Variants in HS3ST4 observed in about 807,000 individuals in gnomAD.
HS3ST4 encodes the protein heparan sulfate glucosamine 3-O-sulfotransferase 4.
In HS3ST4, 17 loss-of-function variants were observed where a neutral mutation model predicts 29.2. The observed-to-expected ratio is 0.58, with a 90% CI of 0.40 to 0.87. The LOEUF is 0.87. Among genes scored for constraint, HS3ST4 ranks in the 40% least tolerant of loss-of-function variants. The pLI is 0.00. For missense variants in HS3ST4, 627 were observed against 634.5 expected (o/e 0.99, Z 0.13); for synonymous variants, 314 against 285.7 (o/e 1.10, Z -1.00).
chr16:25,778,257 C>T (rs1324839305), intron 1 of HS3ST4, among the ~76,000 whole-genome samples: 1 of 152,168 alleles, frequency 6.6e-6, no homozygotes, highest in Non-Finnish European at 1.5e-5. Context: ...GGGATGTTGG[C>T]CATTTGGCCT....
intron 1 of HS3ST4, among the ~76,000 whole-genome samples, chr16:25,741,797 G>C (rs567853759): frequency 5.3e-5 from 8 of 152,078 alleles, no homozygotes; most frequent in African/African-American, 1.9e-4. Flanking sequence ...CCTTATACCA[G>C]TAAGGACACC....
chr16:25,815,130 A>G (rs150576462), intron 1 of HS3ST4, among the ~76,000 whole-genome samples: 7 of 152,206 alleles, frequency 4.6e-5, no homozygotes, highest in African/African-American at 1.7e-4. Context: ...CTGCTTTGGA[A>G]TAGGAAATGG....
At chr16:25,791,815 C>T (rs569328928) in intron 1 of HS3ST4, among the ~76,000 whole-genome samples, 3 of 152,012 alleles carry the variant, frequency 2.0e-5, no homozygotes, top group South Asian at 2.1e-4. Flanking sequence ...CAGTAAGTGG[C>T]GAATAATGAC....
intron 1 of HS3ST4, among the ~76,000 whole-genome samples, chr16:26,038,939 T>A (rs1354160957): frequency 6.6e-6 from 1 of 152,076 alleles, no homozygotes; most frequent in East Asian, 1.9e-4. Context: ...CACCTCAGCC[T>A]CCCAAAGTGC....
intron 1 of HS3ST4, among the ~76,000 whole-genome samples, chr16:25,910,836 G>A (rs1447487588): frequency 3.3e-5 from 5 of 152,022 alleles, no homozygotes; most frequent in Non-Finnish European, 7.4e-5. Flanking sequence ...TTATTGCTAA[G>A]AAGGCACAGC....
chr16:25,790,644 T>A (rs1966867200), intron 1 of HS3ST4, among the ~76,000 whole-genome samples: 1 of 152,168 alleles, frequency 6.6e-6, no homozygotes, highest in Non-Finnish European at 1.5e-5. Flanking sequence ...ACTGATAAGA[T>A]TGACCACTCT....
intron 1 of HS3ST4, among the ~76,000 whole-genome samples, chr16:25,873,260 A>G (rs73515311): frequency 0.066 from 10,066 of 151,460 alleles, 1,102 homozygotes; most frequent in African/African-American, 0.23. Context: ...CAAGCCATCC[A>G]TCCATCCATT....
rs553025191 is a variant in HS3ST4 at position 25,745,768 on chromosome 16, G to A, written c.734+52617G>A. 1.4e-4 allele frequency among the ~76,000 whole-genome samples: 21 copies of A among 152,248 alleles called. No individual in the cohort carries two copies. The East Asian group carries it at 2.5e-3, about 18-fold the overall frequency. On this transcript the variant is annotated intron_variant, in intron 1 of 1. Transcript: ENST00000331351. The stretch of plus-strand genomic sequence containing the variant: ...TTATATAAAAAGAATCATATAATGT[G>A]TAGTCTTTTGCATATCATTAAAATT...
chr16:25,849,482 C>T (rs1384075319), intron 1 of HS3ST4, among the ~76,000 whole-genome samples: 2 of 151,866 alleles, frequency 1.3e-5, no homozygotes, highest in Non-Finnish European at 2.9e-5. Context: ...TCATAACTTT[C>T]TTTAGCGCTT....
intron 1 of HS3ST4, among the ~76,000 whole-genome samples, chr16:25,777,467 A>G (rs1025288691): frequency 6.6e-6 from 1 of 151,658 alleles, no homozygotes; most frequent in Non-Finnish European, 1.5e-5. Context: ...GTGTGTGTGC[A>G]TAAGATACAG....
intron 1 of HS3ST4, among the ~76,000 whole-genome samples, chr16:25,698,153 A>C (rs1966311603): frequency 6.7e-6 from 1 of 149,572 alleles, no homozygotes; most frequent in Non-Finnish European, 1.5e-5. Flanking sequence ...CTGGTCTCAA[A>C]CTCCTGGCCT....
chr16:25,739,824 A>G (rs1278597275), intron 1 of HS3ST4, among the ~76,000 whole-genome samples: 2 of 152,122 alleles, frequency 1.3e-5, no homozygotes, highest in African/African-American at 4.8e-5. Context: ...TCTTTTTCTT[A>G]TAAGTGAAAA....
At chr16:25,706,950 A>G (rs1368571517) in intron 1 of HS3ST4, among the ~76,000 whole-genome samples, 2 of 152,222 alleles carry the variant, frequency 1.3e-5, no homozygotes, top group Non-Finnish European at 2.9e-5. Context: ...ATAAATGTTC[A>G]TAGGTTTTAA....
At chr16:25,977,214 A>G (rs541964792) in intron 1 of HS3ST4, among the ~76,000 whole-genome samples, 29 of 152,324 alleles carry the variant, frequency 1.9e-4, no homozygotes, top group South Asian at 1.9e-3. Flanking sequence ...CTCGCTTTGC[A>G]TGCTCGCTGG....
chr16:25,902,841 C>T (rs11860066), intron 1 of HS3ST4, among the ~76,000 whole-genome samples: 61,045 of 151,724 alleles, frequency 0.4, 12,682 homozygotes, highest in Middle Eastern at 0.49. Flanking sequence ...CTCATGCCTG[C>T]AATTCCAGCA....
chr16:26,048,760 G>A (rs1898299861), intron 1 of HS3ST4, among the ~76,000 whole-genome samples: 1 of 152,228 alleles, frequency 6.6e-6, no homozygotes. Flanking sequence ...TTGAGCCCAA[G>A]AGTTCAAGGC....
chr16:25,892,002 C>T (rs1234685990), intron 1 of HS3ST4, among the ~76,000 whole-genome samples: 1 of 152,136 alleles, frequency 6.6e-6, no homozygotes, highest in Admixed American at 6.5e-5. Context: ...CAGAACAGAG[C>T]CTGGCACACT....
At chr16:26,102,453 T>G (rs903429925) in intron 1 of HS3ST4, among the ~76,000 whole-genome samples, 2 of 152,158 alleles carry the variant, frequency 1.3e-5, no homozygotes, top group African/African-American at 2.4e-5. Context: ...CACCACTGTT[T>G]CTATTTCTTT....
At chr16:25,720,824 A>G (rs1182380038) in intron 1 of HS3ST4, among the ~76,000 whole-genome samples, 3 of 152,198 alleles carry the variant, frequency 2.0e-5, no homozygotes, top group Non-Finnish European at 2.9e-5. Context: ...TTAAGGGGAA[A>G]GATCAGGACT....
Sources: allele counts gnomAD v4.1 joint callset (sites outside exome capture counted in the v4.1 genomes callset), GRCh38; gene constraint gnomAD v4.1.1; transcripts MANE v1.5; gene names NCBI Gene and HGNC (gene_info 2026-07-23, HGNC 2026-07-21).